TTC39A: variants seen among roughly 807,000 people sequenced by gnomAD.
TTC39A encodes tetratricopeptide repeat domain 39A, also known as tetratricopeptide repeat protein 39A.
Under a neutral mutation model 82.3 loss-of-function variants are expected in TTC39A, and 46 were observed. The ratio of observed to expected loss-of-function variants is 0.56; its 90% CI spans 0.44 to 0.71. TTC39A has a LOEUF of 0.71. Among genes scored for constraint, TTC39A ranks in the 30% least tolerant of loss-of-function variants. The pLI is 0.00. For synonymous variants in TTC39A, 254 were observed against 275.2 expected (o/e 0.92, Z 0.76); for missense variants, 543 against 712.9 (o/e 0.76, Z 2.71).
intron 2 of TTC39A, among the ~76,000 whole-genome samples, chr1:51,313,945 C>T (rs955939013): frequency 9.9e-5 from 15 of 152,266 alleles, no homozygotes; most frequent in African/African-American, 3.6e-4. Flanking sequence ...TCCAGGCCTC[C>T]TCCTCAGGGA....
At position 51,330,165 on chromosome 1, in the gene TTC39A, C is replaced by A; in HGVS notation, c.41+272G>T. On this transcript the variant is annotated intron_variant, in intron 1 of 17. Coordinates refer to ENST00000680483, the MANE Select transcript of TTC39A (RefSeq NM_001297663.2). This position sits in a 1 kb window ranked among gnomAD's most constrained non-coding sequence, Gnocchi z 4.5. The stretch of plus-strand genomic sequence containing the variant: ...CACGAGGCAGGTGGGGAAGGCTGCT[C>A]TGAACGTGTCTGTGACTACAGCTCC... 1.0e-6 allele frequency: 1 copy of A among 985,610 alleles called. No homozygotes were observed. The highest frequency in any genetic ancestry group is 1.7e-5 in the African/African-American group (1 of 57,370). 61.1% of individuals were successfully genotyped at this position (985,610 alleles called of 1,614,324 possible).
At chr1:51,330,721 C>G (rs1280185508), upstream of TTC39A, among the ~76,000 whole-genome samples, 1 of 151,936 alleles carries the variant, frequency 6.6e-6, no homozygotes, top group Non-Finnish European at 1.5e-5. The surrounding 1 kb of genome is among the most constrained non-coding windows in gnomAD (Gnocchi z 4.5). Flanking sequence ...GCCCCCACCC[C>G]CGCTCCGACA....
At chr1:51,309,136 A>T in intron 6 of TTC39A, 125 bp downstream of exon 6, 1 of 1,143,566 alleles carries the variant, frequency 8.7e-7, no homozygotes, top group Non-Finnish European at 1.2e-6. Context: ...AGCCTGCAAC[A>T]GCAGTCTACT....
At chr1:51,309,478 T>TG (rs769725743) in intron 5 of TTC39A, 153 bp from the exon 6 acceptor site, 1 of 1,469,690 alleles carries the variant, frequency 6.8e-7, no homozygotes, top group African/African-American at 1.4e-5. Flanking sequence ...TCCCTGCTCT[T>TG]TGGCCCAACA....
intron 1 of TTC39A, among the ~76,000 whole-genome samples, chr1:51,336,458 C>T (rs765106665): frequency 2.0e-5 from 3 of 152,096 alleles, no homozygotes; most frequent in Non-Finnish European, 2.9e-5. Flanking sequence ...GATCTGGGCT[C>T]TTCTACCTAA....
intron 8 of TTC39A, among the ~76,000 whole-genome samples, chr1:51,303,962 T>C (rs1435651433): frequency 6.6e-6 from 1 of 151,986 alleles, no homozygotes; most frequent in South Asian, 2.1e-4. Context: ...GGGCAGCAGA[T>C]AGCAGCTAAG....
At chr1:51,312,298 T>G in intron 3 of TTC39A, 103 bp from the exon 4 acceptor site, 1 of 1,178,410 alleles carries the variant, frequency 8.5e-7, no homozygotes, top group African/African-American at 1.6e-5. Flanking sequence ...GAGACAGAGC[T>G]AGCAAGAAAG....
rs1380793209 is a variant in TTC39A, at chr1:51,303,401, G to A, written c.655-209C>T. On this transcript the variant is annotated intron_variant, in intron 8 of 17. Coordinates refer to ENST00000680483, the MANE Select transcript of TTC39A (RefSeq NM_001297663.2). ...AAGGGGACACGGCTGCCAAGGCCAG[G>A]ACAAAGGCTTGGCGGGTCTGAGGTG... 3.9e-5 allele frequency among the ~76,000 whole-genome samples: 6 copies of A among 152,226 alleles called. No homozygotes were observed. In the East Asian group the frequency reaches 1.2e-3, roughly 29 times the overall value.
intron 1 of TTC39A, among the ~76,000 whole-genome samples, chr1:51,326,853 A>T (rs1342334263): frequency 6.6e-6 from 1 of 152,126 alleles, no homozygotes; most frequent in Non-Finnish European, 1.5e-5. Context: ...TCCTGCGGTG[A>T]TGGTGGCCTC....
At chr1:51,325,571 C>A (rs758906068) in intron 1 of TTC39A, among the ~76,000 whole-genome samples, 5 of 152,162 alleles carry the variant, frequency 3.3e-5, no homozygotes, top group Admixed American at 6.5e-5. Flanking sequence ...ATTACCCCCC[C>A]ACACCTATTG....
intron 11 of TTC39A, chr1:51,302,146 C>G: frequency 1.3e-6 from 1 of 742,226 alleles, no homozygotes; most frequent in Non-Finnish European, 2.4e-6. Flanking sequence ...GTCAAAATCC[C>G]AGGCACCACA....
At chr1:51,331,259 G>C, upstream of TTC39A, 1 of 1,546,748 alleles carries the variant, frequency 6.5e-7, no homozygotes, top group Non-Finnish European at 8.7e-7. Flanking sequence ...CCCAGTGCCT[G>C]TGTGGGGGTC....
intron 13 of TTC39A, among the ~76,000 whole-genome samples, chr1:51,295,377 A>G (rs574531504): frequency 7.9e-5 from 12 of 152,200 alleles, no homozygotes; most frequent in African/African-American, 2.4e-4. Context: ...GGGTCTGCAA[A>G]TTGGGCTCAA....
upstream of TTC39A, among the ~76,000 whole-genome samples, chr1:51,332,116 T>C (rs891121980): frequency 6.6e-6 from 1 of 152,244 alleles, no homozygotes; most frequent in African/African-American, 2.4e-5. Flanking sequence ...TAGTCATTCA[T>C]GTAACCGGGG....
At chr1:51,304,454 CAG>C (rs1644796728) in intron 8 of TTC39A, among the ~76,000 whole-genome samples, 1 of 152,192 alleles carries the variant, frequency 6.6e-6, no homozygotes, top group South Asian at 2.1e-4. Context: ...GGGACTTGCT[CAG>C]AGTCACAGAG....
chr1:51,315,911 C>A (rs1156831464), intron 2 of TTC39A, among the ~76,000 whole-genome samples: 1 of 152,202 alleles, frequency 6.6e-6, no homozygotes, highest in Non-Finnish European at 1.5e-5. Flanking sequence ...TTGCACAGGG[C>A]CTGTGCCTAA....
upstream of TTC39A, chr1:51,334,970 AT>A (rs1286728501): frequency 6.6e-6 from 1 of 152,114 alleles, no homozygotes; most frequent in African/African-American, 2.4e-5. Context: ...CACCATCATC[AT>A]TTCTGCCTCC....
At chr1:51,314,159 T>C (rs1569915469) in intron 2 of TTC39A, among the ~76,000 whole-genome samples, 1 of 151,822 alleles carries the variant, frequency 6.6e-6, no homozygotes, top group African/African-American at 2.4e-5. Context: ...AGCTGAAGGG[T>C]GTGTTGGGGG....
chr1:51,308,696 G>A (rs1335896662), intron 6 of TTC39A, among the ~76,000 whole-genome samples: 2 of 152,192 alleles, frequency 1.3e-5, no homozygotes, highest in Non-Finnish European at 2.9e-5. Context: ...TCATAAACAC[G>A]GCCTGTGCCT....
Sources: gnomAD v4.1 joint callset for allele counts (sites outside exome capture counted in the v4.1 genomes callset) on GRCh38, gnomAD v4.1.1 for gene constraint, Gnocchi (gnomAD v3.1) non-coding constraint, MANE v1.5 for transcripts, NCBI Gene and HGNC (gene_info 2026-07-23, HGNC 2026-07-21) for gene names.